Variants in A4GALT observed in about 807,000 individuals in gnomAD.
A4GALT encodes the protein lactosylceramide 4-alpha-galactosyltransferase.
For synonymous variants in A4GALT, 257 were observed against 220.7 expected, an observed-to-expected ratio of 1.16 and a Z score of -1.46; for missense variants, 512 against 486.0, an observed-to-expected ratio of 1.05 and a Z score of -0.50.
At chr22:42,702,379 C>T (rs1920928163) in intron 1 of A4GALT, among the ~76,000 whole-genome samples, 1 of 148,762 alleles carries the variant, frequency 6.7e-6, no homozygotes, top group Non-Finnish European at 1.5e-5. Context: ...CTTGCTCTGT[C>T]GCCCAGGCTG....
intron 1 of A4GALT, among the ~76,000 whole-genome samples, chr22:42,713,799 C>T (rs1393368702): frequency 1.3e-4 from 15 of 119,648 alleles, no homozygotes; most frequent in African/African-American, 3.5e-5. Context: ...GCAACAAGAG[C>T]GAAACTCTGT....
At chr22:42,709,048 A>AATATATATATATAT (rs149743579) in intron 1 of A4GALT, among the ~76,000 whole-genome samples, 1 of 131,192 alleles carries the variant, frequency 7.6e-6, no homozygotes, top group Non-Finnish European at 1.6e-5. Flanking sequence ...GGAAAATTTA[A>AATATATATATATAT]ATATATATAT....
At chr22:42,720,188 A>C (rs1000946448) in intron 1 of A4GALT, among the ~76,000 whole-genome samples, 1 of 150,626 alleles carries the variant, frequency 6.6e-6, no homozygotes, top group Non-Finnish European at 1.5e-5. Flanking sequence ...GGCGACTCCA[A>C]CCGGCTCGCC....
chr22:42,699,366 T>C (rs1931150255), intron 1 of A4GALT, among the ~76,000 whole-genome samples: 1 of 152,214 alleles, frequency 6.6e-6, no homozygotes, highest in African/African-American at 2.4e-5. Flanking sequence ...ATTACAGGCA[T>C]GTGACACTGC....
At chr22:42,712,395 G>A (rs141540291) in intron 1 of A4GALT, among the ~76,000 whole-genome samples, 72 of 152,330 alleles carry the variant, frequency 4.7e-4, no homozygotes, top group African/African-American at 1.5e-3. Context: ...ATGTGGATAA[G>A]TTTTCTGACT....
In A4GALT at chr22:42,692,215, T is replaced by A. The variant is rs1930482648; in HGVS notation, c.*675A>T. ...TTCTTTAAAATGCTTCTCCTGAGCCTAAAGAGCCTCCCCACCCAGCCCCTG... is the reference window on the plus strand; with the variant it reads ...TTCTTTAAAATGCTTCTCCTGAGCCAAAAGAGCCTCCCCACCCAGCCCCTG... On this transcript the variant is annotated 3_prime_UTR_variant, in exon 3 of 3. Transcript: ENST00000642412. This position sits in a 1 kb window ranked among gnomAD's most constrained non-coding sequence, Gnocchi z 4.6. The A allele has an allele frequency of 5.3e-6, 1 of 187,526 alleles. No individual in the cohort carries two copies. The highest frequency in any genetic ancestry group is 1.3e-4 in the East Asian group (1 of 7,826). 11.6% of individuals were successfully genotyped at this position (187,526 alleles called of 1,614,324 possible). A position where few individuals can be genotyped will look rare whatever the true frequency, so the allele number is the denominator to read the frequency against.
chr22:42,701,891 T>C (rs12170422), intron 1 of A4GALT, among the ~76,000 whole-genome samples: 4,983 of 152,168 alleles, frequency 0.033, 258 homozygotes, highest in African/African-American at 0.11. Flanking sequence ...GAGACCCACG[T>C]GACACTGTCA....
At chr22:42,714,538 T>C (rs1921996429) in intron 1 of A4GALT, among the ~76,000 whole-genome samples, 1 of 151,294 alleles carries the variant, frequency 6.6e-6, no homozygotes. Context: ...CACACCAGGT[T>C]GGGCAACAGA....
At chr22:42,702,487 A>C (rs1411418235) in intron 1 of A4GALT, among the ~76,000 whole-genome samples, 1 of 151,978 alleles carries the variant, frequency 6.6e-6, no homozygotes, top group Non-Finnish European at 1.5e-5. Context: ...GGAGTGCGCC[A>C]CCATGTCTGG....
intron 1 of A4GALT, among the ~76,000 whole-genome samples, chr22:42,696,638 A>G (rs748556890): frequency 1.2e-4 from 18 of 151,914 alleles, no homozygotes; most frequent in East Asian, 1.9e-4. Context: ...CAGCAGGCAC[A>G]TGGGAAAATG....
Position 42,694,001 on chromosome 22 carries a change from C to T in A4GALT, c.-46-4G>A, listed in dbSNP as rs1930735465. 6.7e-7 allele frequency: 1 copy of T among 1,502,678 alleles called. No homozygotes were observed. The highest frequency in any genetic ancestry group is 1.2e-5 in the South Asian group (1 of 83,354). 93.1% of individuals were successfully genotyped at this position (1,502,678 alleles called of 1,614,324 possible). A position where few individuals can be genotyped will look rare whatever the true frequency, so the allele number is the denominator to read the frequency against. On this transcript the variant is annotated splice_polypyrimidine_tract_variant and splice_region_variant and intron_variant, in intron 2 of 2. Coordinates refer to ENST00000642412, the MANE Select transcript of A4GALT (RefSeq NM_017436.7). ...CTTCCAGCAGGAACCGGCTGGTCTG[C>T]AAGAGATGAGCACCCGCCATCAGGG...
intron 1 of A4GALT, among the ~76,000 whole-genome samples, chr22:42,699,918 A>C (rs1931186751): frequency 6.6e-6 from 1 of 152,180 alleles, no homozygotes; most frequent in Non-Finnish European, 1.5e-5. Flanking sequence ...GGAAAGGCTG[A>C]GGACGGAGGA....
intron 1 of A4GALT, among the ~76,000 whole-genome samples, chr22:42,697,209 A>G (rs1439008588): frequency 1.3e-5 from 2 of 152,134 alleles, no homozygotes; most frequent in East Asian, 1.9e-4. Flanking sequence ...AAATGAATGA[A>G]TGAGTGAACG....
intron 1 of A4GALT, among the ~76,000 whole-genome samples, chr22:42,704,440 T>TTGCACTAC (rs1342075259): frequency 6.6e-6 from 1 of 151,498 alleles, no homozygotes; most frequent in East Asian, 1.9e-4. Flanking sequence ...TGAGCTGAGG[T>TTGCACTAC]TGCACTACTG....
At chr22:42,705,578 G>A (rs1921004604) in intron 1 of A4GALT, among the ~76,000 whole-genome samples, 1 of 111,672 alleles carries the variant, frequency 9.0e-6, no homozygotes, top group Admixed American at 9.1e-5. Context: ...ACTCCAGCCT[G>A]GGCGACAGAG....
chr22:42,713,581 G>C (rs1921878459), intron 1 of A4GALT, among the ~76,000 whole-genome samples: 1 of 152,176 alleles, frequency 6.6e-6, no homozygotes, highest in Admixed American at 6.6e-5. Flanking sequence ...GGAGGCCGAG[G>C]CGGGTGGATC....
intron 1 of A4GALT, among the ~76,000 whole-genome samples, chr22:42,709,067 A>ATATATATATATATTTTTTTTT (rs1180529043): frequency 7.0e-5 from 9 of 128,828 alleles, no homozygotes; most frequent in South Asian, 2.6e-4. Flanking sequence ...ATATATATAT[A>ATATATATATATATTTTTTTTT]TTTTTTTTAA....
intron 1 of A4GALT, among the ~76,000 whole-genome samples, chr22:42,717,409 A>G (rs1455093495): frequency 6.6e-6 from 1 of 152,106 alleles, no homozygotes; most frequent in African/African-American, 2.4e-5. Flanking sequence ...GAAGCACCAA[A>G]GACTGGGGCC....
chr22:42,712,884 T>C (rs1280438528), intron 1 of A4GALT, among the ~76,000 whole-genome samples: 1 of 152,008 alleles, frequency 6.6e-6, no homozygotes, highest in Non-Finnish European at 1.5e-5. Context: ...GGCGACAGAG[T>C]GTGACTCCGT....
Sources: gnomAD v4.1 joint callset for allele counts (sites outside exome capture counted in the v4.1 genomes callset) on GRCh38, gnomAD v4.1.1 for gene constraint, Gnocchi (gnomAD v3.1) non-coding constraint, MANE v1.5 for transcripts, NCBI Gene and HGNC (gene_info 2026-07-23, HGNC 2026-07-21) for gene names.